PARM1: variants seen among roughly 807,000 people sequenced by gnomAD.
The protein encoded by PARM1 is WSC4, cell wall integrity and stress response component 4 homolog.
A neutral mutation model predicts 24.6 loss-of-function variants in PARM1; 14 were observed. The observed-to-expected ratio is 0.57, with a 90% CI of 0.38 to 0.89. The LOEUF (loss-of-function observed/expected upper bound fraction) is 0.89, where lower values mean the gene tolerates loss of function less well. Among genes scored for constraint, PARM1 ranks in the 40% least tolerant of loss-of-function variants. PARM1 has a pLI of 0.00. For synonymous variants in PARM1, 179 were observed against 156.6 expected, an observed-to-expected ratio of 1.14 and a Z score of -1.07; for missense variants, 362 against 380.4, an observed-to-expected ratio of 0.95 and a Z score of 0.40.
intron 1 of PARM1, chr4:74,965,316 A>G (rs1349587087): frequency 6.6e-6 from 1 of 152,202 alleles, no homozygotes; most frequent in Admixed American, 6.5e-5. Context: ...GCTGAACTAG[A>G]TGATGGCATG....
intron 1 of PARM1, among the ~76,000 whole-genome samples, chr4:74,960,183 C>G (rs1211813029): frequency 1.3e-5 from 2 of 152,202 alleles, no homozygotes; most frequent in East Asian, 1.9e-4. Context: ...GAGGTGCACA[C>G]ATATAGGAGG....
chr4:74,986,549 A>G (rs1400676594), intron 1 of PARM1, among the ~76,000 whole-genome samples: 2 of 152,184 alleles, frequency 1.3e-5, no homozygotes, highest in African/African-American at 4.8e-5. Context: ...ATATGTGTCT[A>G]TGTGTGAAAA....
In PARM1 at chr4:75,012,413, G is replaced by C. The variant is rs763452456; in HGVS notation, c.44-12G>C. The C allele has an allele frequency of 6.2e-7, 1 of 1,609,634 alleles. No homozygotes were observed. Among genetic ancestry groups the C allele is most frequent in the South Asian group, 1.1e-5 (1 of 91,032 alleles). On this transcript the variant is annotated splice_polypyrimidine_tract_variant and intron_variant, in intron 1 of 3. Transcript: ENST00000307428. ...TCACATATTAACCACTTTTGTACTG[G>C]CTTTTCCACAGGATGGAGGGTACAG...
Position 74,933,187 on chromosome 4 carries a change from C to T in PARM1, c.-141C>T, listed in dbSNP as rs1303619993. On this transcript the variant is annotated 5_prime_UTR_variant, in exon 1 of 4. Transcript: ENST00000307428. ...TGCGTTCGCCTCGTTTGCCTCGCGCCCTCCACTGGAGCTGTTCGCGCCTCC... is the reference window on the plus strand; with the variant it reads ...TGCGTTCGCCTCGTTTGCCTCGCGCTCTCCACTGGAGCTGTTCGCGCCTCC... 1.3e-4 allele frequency: 86 copies of T among 640,068 alleles called. No homozygotes were observed. The East Asian group carries it at 2.3e-3, about 17-fold the overall frequency. The allele number at this position is 640,068 out of a possible 1,614,324, so 39.6% of individuals were successfully genotyped here.
intron 1 of PARM1, among the ~76,000 whole-genome samples, chr4:74,983,969 C>T (rs1299176896): frequency 1.3e-5 from 2 of 152,168 alleles, no homozygotes; most frequent in Non-Finnish European, 2.9e-5. Context: ...TCAAGTCTAA[C>T]CTGGCAACAT....
intron 1 of PARM1, among the ~76,000 whole-genome samples, chr4:74,954,664 C>A (rs1394204824): frequency 2.0e-5 from 3 of 152,160 alleles, no homozygotes; most frequent in Non-Finnish European, 4.4e-5. Flanking sequence ...ACCAATCAAT[C>A]CTGCACCTGT....
At chr4:74,998,310 A>T (rs1722613512) in intron 1 of PARM1, among the ~76,000 whole-genome samples, 1 of 152,238 alleles carries the variant, frequency 6.6e-6, no homozygotes, top group Admixed American at 6.5e-5. Flanking sequence ...CAAACTCTGT[A>T]GTTAAAGCAA....
At chr4:74,934,721 G>C (rs1005709788) in intron 1 of PARM1, among the ~76,000 whole-genome samples, 2 of 152,150 alleles carry the variant, frequency 1.3e-5, no homozygotes, top group African/African-American at 2.4e-5. Flanking sequence ...GGCTGGCTGC[G>C]GGTGGTAATT....
intron 1 of PARM1, among the ~76,000 whole-genome samples, chr4:74,980,174 C>G (rs1257014501): frequency 6.6e-6 from 1 of 152,130 alleles, no homozygotes; most frequent in Non-Finnish European, 1.5e-5. Flanking sequence ...AAAAGTCAAA[C>G]TGTCTCTGTT....
intron 1 of PARM1, chr4:74,956,553 A>G (rs564857980): frequency 6.6e-6 from 1 of 152,358 alleles, no homozygotes; most frequent in East Asian, 1.9e-4. Context: ...TTGTAAATGC[A>G]GCTTACAACT....
chr4:74,996,281 ACT>A (rs1196517943), intron 1 of PARM1, among the ~76,000 whole-genome samples: 2 of 152,002 alleles, frequency 1.3e-5, no homozygotes, highest in Admixed American at 6.6e-5. Flanking sequence ...GAGGGCAGTG[ACT>A]CTGTGCATTA....
chr4:74,999,415 G>A (rs1024401785), intron 1 of PARM1, among the ~76,000 whole-genome samples: 9 of 152,114 alleles, frequency 5.9e-5, no homozygotes, highest in Non-Finnish European at 1.2e-4. Context: ...TGACTATTCC[G>A]CTATCAGAGA....
rs182841356 is a variant in PARM1 at position 75,048,025 on chromosome 4, A to G, written c.*1778A>G. The G allele has an allele frequency of 6.6e-6, 1 of 152,270 alleles. No individual in the cohort carries two copies. The highest frequency in any genetic ancestry group is 1.5e-5 in the Non-Finnish European group (1 of 68,026). 9.4% of individuals were successfully genotyped at this position (152,270 alleles called of 1,614,324 possible). On this transcript the variant is annotated 3_prime_UTR_variant, in exon 4 of 4. Transcript: ENST00000307428. ...GTATTGTCCTACAGTGTCATAAAGAACCTGAAAATGAACTTTTGTTTCTAA... is the reference window on the plus strand; with the variant it reads ...GTATTGTCCTACAGTGTCATAAAGAGCCTGAAAATGAACTTTTGTTTCTAA...
intron 1 of PARM1, among the ~76,000 whole-genome samples, chr4:74,988,980 A>G (rs1263875946): frequency 6.6e-6 from 1 of 152,204 alleles, no homozygotes; most frequent in East Asian, 1.9e-4. Flanking sequence ...TGTGCACAGT[A>G]AAGAGTTGCT....
chr4:75,033,801 A>AC, intron 2 of PARM1, 82 bp from the exon 3 acceptor site: 1 of 1,040,332 alleles, frequency 9.6e-7, no homozygotes, highest in Non-Finnish European at 1.4e-6. Context: ...ATCAGGCAGA[A>AC]GGTGGATACT....
chr4:75,000,297 A>G lies in PARM1; in HGVS notation c.44-12128A>G, dbSNP rs191187784. Among the ~76,000 whole-genome samples the G allele has an allele frequency of 4.6e-5, 7 of 152,296 alleles. No individual in the cohort carries two copies. In the East Asian group the frequency reaches 1.3e-3, roughly 29 times the overall value. On this transcript the variant is annotated intron_variant, in intron 1 of 3. Coordinates refer to ENST00000307428, the MANE Select transcript of PARM1 (RefSeq NM_015393.4). Reference sequence around the variant, plus strand: ...TTGTGATTAGCTCTTTACGTGGCCTATCATTTATTTATATTGCAAGTTATG... The same window carrying G: ...TTGTGATTAGCTCTTTACGTGGCCTGTCATTTATTTATATTGCAAGTTATG...
Position 75,047,911 on chromosome 4 carries a change from C to T in PARM1, c.*1664C>T, listed in dbSNP as rs753581324. 1.3e-5 allele frequency: 2 copies of T among 152,140 alleles called. No homozygotes were observed. The highest frequency in any genetic ancestry group is 2.9e-5 in the Non-Finnish European group (2 of 68,020). 9.4% of individuals were successfully genotyped at this position (152,140 alleles called of 1,614,324 possible). ...TATTTCATGGCGACAACTCTGTCTT[C>T]TTGTAACAGCTGATATTAGCAAGCA... On this transcript the variant is annotated 3_prime_UTR_variant, in exon 4 of 4. Coordinates refer to ENST00000307428, the MANE Select transcript of PARM1 (RefSeq NM_015393.4).
intron 1 of PARM1, among the ~76,000 whole-genome samples, chr4:74,994,885 C>G (rs1229301735): frequency 6.6e-6 from 1 of 151,726 alleles, no homozygotes; most frequent in Admixed American, 6.6e-5. Flanking sequence ...AGCTTAAAAA[C>G]CAAAAATTCT....
chr4:74,959,887 C>T (rs1158089090), intron 1 of PARM1, among the ~76,000 whole-genome samples: 2 of 152,172 alleles, frequency 1.3e-5, no homozygotes, highest in East Asian at 1.9e-4. Context: ...ACCAGTTTCC[C>T]CATCTAAACA....
Sources: allele counts gnomAD v4.1 joint callset (sites outside exome capture counted in the v4.1 genomes callset), GRCh38; gene constraint gnomAD v4.1.1; transcripts MANE v1.5; gene names NCBI Gene and HGNC (gene_info 2026-07-23, HGNC 2026-07-21).